Variants in RCAN3 observed in about 807,000 individuals in gnomAD.
RCAN3 encodes the protein calcipressin-3.
In RCAN3, 19 loss-of-function variants were observed where a neutral mutation model predicts 21.9. The observed-to-expected ratio is 0.87, with a 90% CI of 0.61 to 1.27. RCAN3 has a LOEUF of 1.27. Ranked by LOEUF, RCAN3 falls within the 50% of genes most tolerant of loss-of-function variation. RCAN3 has a pLI of 0.00. For missense variants in RCAN3, 240 were observed against 300.1 expected (o/e 0.80, Z 1.48); for synonymous variants, 114 against 112.3 (o/e 1.01, Z -0.09).
Position 24,532,009 on chromosome 1 carries a change from A to G in RCAN3, c.369+618A>G, listed in dbSNP as rs569847432. ...AAATGCACTGTTTTATTTTCAAAAC[A>G]TTTTTTTCAGTCTCCCTTACAAATT... On this transcript the variant is annotated intron_variant, in intron 3 of 4. Coordinates refer to ENST00000374395, the MANE Select transcript of RCAN3 (RefSeq NM_013441.4). Among the ~76,000 whole-genome samples, 3 of 151,936 alleles carry G rather than the reference A, an allele frequency of 2.0e-5. No individual in the cohort carries two copies. In the East Asian group the frequency reaches 5.8e-4, roughly 29 times the overall value.
At chr1:24,511,200 C>G (rs1469762301) in intron 1 of RCAN3, among the ~76,000 whole-genome samples, 3 of 152,118 alleles carry the variant, frequency 2.0e-5, no homozygotes. Context: ...GTAGTCCCAG[C>G]TACTCGGGAG....
chr1:24,533,620 G>A (rs1172785650), intron 4 of RCAN3, among the ~76,000 whole-genome samples: 1 of 151,954 alleles, frequency 6.6e-6, no homozygotes, highest in Non-Finnish European at 1.5e-5. Context: ...GCCAACATGG[G>A]GAAACCCCGT....
rs1293060081 is a variant in RCAN3, at chr1:24,540,344, T to C, written c.*5067T>C. ...AAATTCGTTATGTGGTCTGTCTGGA[T>C]GTAAACCTATATATTTCCTTTTGAA... is the stretch of plus-strand genomic sequence containing the variant. On this transcript the variant is annotated 3_prime_UTR_variant, in exon 5 of 5. Transcript: ENST00000374395. 6.6e-6 allele frequency: 1 copy of C among 152,404 alleles called. No homozygotes were observed. Among genetic ancestry groups the C allele is most frequent in the African/African-American group, 2.4e-5 (1 of 41,456 alleles). The allele number at this position is 152,404 out of a possible 1,614,324, so 9.4% of individuals were successfully genotyped here. A position where few individuals can be genotyped will look rare whatever the true frequency, so the allele number is the denominator to read the frequency against.
intron 2 of RCAN3, among the ~76,000 whole-genome samples, chr1:24,518,827 G>C (rs1648553903): frequency 6.6e-6 from 1 of 151,996 alleles, no homozygotes; most frequent in South Asian, 2.1e-4. Flanking sequence ...AGGCTGGAGT[G>C]CAGTGGTGCA....
chr1:24,525,794 G>A lies in RCAN3; in HGVS notation c.196-5424G>A, dbSNP rs561277304. ...GTCTGCAATCTTCTAAATCCCTTTC[G>A]TGCTAATGCCGGGTTATCAGGGGCA... On this transcript the variant is annotated intron_variant, in intron 2 of 4. Transcript: ENST00000374395. The surrounding 1 kb of genome is among the most constrained non-coding windows in gnomAD (Gnocchi z 4.1). 1.3e-5 allele frequency among the ~76,000 whole-genome samples: 2 copies of A among 151,878 alleles called. No homozygotes were observed. Among genetic ancestry groups the A allele is most frequent in the Non-Finnish European group, 2.9e-5 (2 of 68,016 alleles).
chr1:24,534,615 G>GA (rs55684532), intron 4 of RCAN3, among the ~76,000 whole-genome samples: 11,178 of 133,984 alleles, frequency 0.083, 995 homozygotes, highest in African/African-American at 0.23. Flanking sequence ...TCAAAAAAAA[G>GA]AAAAAAAAAA....
intron 4 of RCAN3, among the ~76,000 whole-genome samples, chr1:24,534,463 C>T (rs554919525): frequency 9.9e-5 from 15 of 152,110 alleles, no homozygotes; most frequent in East Asian, 3.9e-4. Flanking sequence ...ACAAATTAGC[C>T]GGGCGTGATA....
Position 24,535,200 on chromosome 1 carries a change from A to C in RCAN3, c.649A>C (p.Lys217Gln), listed in dbSNP as rs977623933. 3.8e-6 allele frequency: 6 copies of C among 1,594,040 alleles called. No homozygotes were observed. The highest frequency in any genetic ancestry group is 5.1e-6 in the Non-Finnish European group (6 of 1,172,806). The change falls in exon 5 of 5, where the codon AAA (lysine) becomes CAA (glutamine). Residue 217 changes from lysine to glutamine, a missense_variant. By Grantham distance (53) the Lys-to-Gln change is moderately conservative (BLOSUM62 1). Transcript: ENST00000374395. ...EEEETKNPKQ[K>Q]IAQTRRPDPP... Reference sequence around the variant, plus strand: ...AGAAGAGACAAAAAACCCCAAACAGAAAATTGCCCAGACGAGGCGCCCCGA... The same window carrying C: ...AGAAGAGACAAAAAACCCCAAACAGCAAATTGCCCAGACGAGGCGCCCCGA...
In RCAN3 at chr1:24,514,330, A is replaced by G; in HGVS notation, c.-43A>G. ...TTTTAACAGTGGGTGCCTGATAGAC[A>G]TCCTAGGACTATACAGAAGGAAAAG... On this transcript the variant is annotated 5_prime_UTR_variant, in exon 2 of 5. Coordinates refer to ENST00000374395, the MANE Select transcript of RCAN3 (RefSeq NM_013441.4). The G allele has an allele frequency of 6.9e-7, 1 of 1,439,764 alleles. No individual in the cohort carries two copies. Among genetic ancestry groups the G allele is most frequent in the African/African-American group, 1.4e-5 (1 of 69,094 alleles). The allele number at this position is 1,439,764 out of a possible 1,614,324, so 89.2% of individuals were successfully genotyped here. A position where few individuals can be genotyped will look rare whatever the true frequency, so the allele number is the denominator to read the frequency against.
intron 1 of RCAN3, among the ~76,000 whole-genome samples, chr1:24,510,942 AGGGAGCCCGAGGAGAGGGAGAGAGTC>A (rs1026794796): frequency 4.6e-5 from 7 of 152,186 alleles, no homozygotes; most frequent in Non-Finnish European, 7.4e-5. Context: ...CTCAGAGAGT[AGGGAGCCCGAGGAGAGGGAGAGAGTC>A]GGGGAAATGG....
chr1:24,529,662 C>G (rs1054898170), intron 2 of RCAN3, among the ~76,000 whole-genome samples: 3 of 150,552 alleles, frequency 2.0e-5, no homozygotes, highest in Non-Finnish European at 4.4e-5. Context: ...GCAATTCTCC[C>G]ATCTCAGCCT....
In RCAN3 at chr1:24,533,169, T is replaced by G; in HGVS notation, c.456T>G (p.Ser152=). ...AGTTCCTCATCTCCCCTCCAGCCTCTCCCCCGGTGGGGTGGAAGCAGAGCG... is the reference window on the plus strand; with the variant it reads ...AGTTCCTCATCTCCCCTCCAGCCTCGCCCCCGGTGGGGTGGAAGCAGAGCG... ...VKQFLISPPA[S]PPVGWKQSED... Residue 152 remains serine (S), a synonymous_variant, in exon 4 of 5, where the codon TCT becomes TCG. Transcript: ENST00000374395. The G allele has an allele frequency of 6.2e-7, 1 of 1,606,104 alleles. No individual in the cohort carries two copies. The highest frequency in any genetic ancestry group is 8.5e-7 in the Non-Finnish European group (1 of 1,177,352).
chr1:24,530,293 T>C (rs1230691098), intron 2 of RCAN3, among the ~76,000 whole-genome samples: 1 of 140,588 alleles, frequency 7.1e-6, no homozygotes, highest in East Asian at 2.0e-4. Flanking sequence ...AGGTTGAGGC[T>C]GCAGTGAGCC....
chr1:24,535,375 A>T lies in RCAN3; in HGVS notation c.*98A>T. The T allele has an allele frequency of 2.2e-6, 3 of 1,343,498 alleles. No homozygotes were observed. Among genetic ancestry groups the T allele is most frequent in the Non-Finnish European group, 3.0e-6 (3 of 1,016,812 alleles). The allele number at this position is 1,343,498 out of a possible 1,614,324, so 83.2% of individuals were successfully genotyped here. On this transcript the variant is annotated 3_prime_UTR_variant, in exon 5 of 5. Transcript: ENST00000374395. The stretch of plus-strand genomic sequence containing the variant: ...CGTTGCTGCGAACAGCATAGGTGAG[A>T]CTCTGCCGAGTGAGGTATAGGTCTT...
intron 1 of RCAN3, among the ~76,000 whole-genome samples, chr1:24,507,164 C>T (rs1647503400): frequency 6.6e-6 from 1 of 152,174 alleles, no homozygotes; most frequent in Non-Finnish European, 1.5e-5. Context: ...TGGCCCATAC[C>T]TGCCTTTCCG....
rs771180301 is a variant in RCAN3 at position 24,533,246 on chromosome 1, T to C, written c.533T>C (p.Leu178Ser). The part of the protein sequence containing the change: ...NYDLLCAVSK[L>S]GPGEKYELHA... Reference sequence around the variant, plus strand: ...GATTTACTCTGTGCTGTTTCCAAATTGGGACCAGGTAATAAACTTCTATTT... The same window carrying C: ...GATTTACTCTGTGCTGTTTCCAAATCGGGACCAGGTAATAAACTTCTATTT... Residue 178 changes from leucine to serine, a missense_variant, in exon 4 of 5, where the codon TTG (leucine) becomes TCG (serine). By Grantham distance (145) the Leu-to-Ser change is moderately radical (BLOSUM62 -2). Coordinates refer to ENST00000374395, the MANE Select transcript of RCAN3 (RefSeq NM_013441.4). The C allele has an allele frequency of 6.5e-7, 1 of 1,546,598 alleles. No homozygotes were observed. Among genetic ancestry groups the C allele is most frequent in the Admixed American group, 2.2e-5 (1 of 45,690 alleles).
intron 1 of RCAN3, among the ~76,000 whole-genome samples, chr1:24,510,000 C>T (rs112764782): frequency 2.0e-5 from 3 of 152,248 alleles, no homozygotes; most frequent in African/African-American, 7.2e-5. Flanking sequence ...GGTGACCAAG[C>T]GAATTGTCAA....
rs947236675 is a variant in RCAN3 at position 24,531,232 on chromosome 1, A to G, written c.210A>G (p.Ala70=). The change falls in exon 3 of 5, where the codon GCA becomes GCG. Residue 70 remains alanine, a synonymous_variant. Transcript: ENST00000374395. ...CTTAATTGTAGGAAAGATTTGAAGCACTCTTCACCATCTATGATGACCAGG... is the reference window on the plus strand; with the variant it reads ...CTTAATTGTAGGAAAGATTTGAAGCGCTCTTCACCATCTATGATGACCAGG... ...EAREQKERFE[A]LFTIYDDQVT... 1.9e-6 allele frequency: 3 copies of G among 1,563,322 alleles called. No individual in the cohort carries two copies. Among genetic ancestry groups the G allele is most frequent in the African/African-American group, 2.7e-5 (2 of 72,814 alleles).
intron 1 of RCAN3, among the ~76,000 whole-genome samples, chr1:24,503,935 T>G (rs1647260667): frequency 6.6e-6 from 1 of 152,262 alleles, no homozygotes; most frequent in Admixed American, 6.5e-5. Flanking sequence ...TTACATACGA[T>G]GTAAAGTAAT....
Sources: gnomAD v4.1 joint callset for allele counts (sites outside exome capture counted in the v4.1 genomes callset) on GRCh38, gnomAD v4.1.1 for gene constraint, Gnocchi (gnomAD v3.1) non-coding constraint, MANE v1.5 for transcripts, NCBI Gene and HGNC (gene_info 2026-07-23, HGNC 2026-07-21) for gene names.